Variants in MACF1 observed in about 807,000 individuals in gnomAD.
The protein encoded by MACF1 is microtubule-actin cross-linking factor 1.
In MACF1, 193 loss-of-function variants were observed where a neutral mutation model predicts 854.8. The ratio of observed to expected loss-of-function variants is 0.23; its 90% CI spans 0.20 to 0.25. The LOEUF is 0.25. Among genes scored for constraint, MACF1 ranks in the 10% least tolerant of loss-of-function variants. The pLI, the probability that MACF1 is intolerant of heterozygous loss-of-function variation, is 1.00. For missense variants in MACF1, 7,722 were observed against 8,929.1 expected (o/e 0.86, Z 5.45); for synonymous variants, 3,185 against 3,226.7 (o/e 0.99, Z 0.44).
At chr1:39,296,801 G>GAAGGA in intron 20 of MACF1, among the ~76,000 whole-genome samples, 1 of 31,904 alleles carries the variant, frequency 3.1e-5, no homozygotes, top group African/African-American at 8.8e-5. Context: ...AGGAAGGAAG[G>GAAGGA]AAAAGAAAGA....
intron 6 of MACF1, among the ~76,000 whole-genome samples, chr1:39,273,467 T>C (rs1431071129): frequency 1.3e-5 from 2 of 152,162 alleles, no homozygotes; most frequent in African/African-American, 4.8e-5. Context: ...GTTTTCCTTT[T>C]TAATTATAGG....
chr1:39,422,658 T>C, intron 59 of MACF1, 72 bp from the exon 60 acceptor site: 1 of 1,555,568 alleles, frequency 6.4e-7, no homozygotes, highest in Non-Finnish European at 8.8e-7. Flanking sequence ...CTATAATTAC[T>C]AAAAGAGGTC....
At chr1:39,114,222 T>C (rs1351738765) in intron 2 of MACF1, among the ~76,000 whole-genome samples, 1 of 151,644 alleles carries the variant, frequency 6.6e-6, no homozygotes, top group Non-Finnish European at 1.5e-5. Flanking sequence ...TTAATATGTG[T>C]TCATAATATG....
rs368765616 is a variant in MACF1 at position 39,436,548 on chromosome 1, C to A, written c.17988+787C>A. 1.3e-5 allele frequency: 20 copies of A among 1,503,434 alleles called. No individual in the cohort carries two copies. In the African/African-American group the frequency reaches 2.3e-4, roughly 18 times the overall value. The allele number at this position is 1,503,434 out of a possible 1,614,324, so 93.1% of individuals were successfully genotyped here. On this transcript the variant is annotated intron_variant, in intron 70 of 100. Coordinates refer to ENST00000564288, the MANE Select transcript of MACF1 (RefSeq NM_001394062.1). ...TTCTTATAATGCTGAAAATTGAGGT[C>A]ATTACCTGTAAGGGAATTTCCCTTA...
chr1:39,388,769 C>G, intron 58 of MACF1, 111 bp downstream of exon 58: 1 of 988,818 alleles, frequency 1.0e-6, no homozygotes, highest in Non-Finnish European at 1.4e-6. Context: ...ATTATTGTCA[C>G]TTCCATCACC....
chr1:39,397,781 C>A (rs950748795), intron 58 of MACF1, among the ~76,000 whole-genome samples: 1 of 152,122 alleles, frequency 6.6e-6, no homozygotes, highest in Non-Finnish European at 1.5e-5. Context: ...GAATGCATAT[C>A]ACTTTCACCA....
intron 59 of MACF1, 35 bp from the exon 60 acceptor site, chr1:39,422,695 C>T (rs58578186): frequency 0.011 from 18,352 of 1,596,254 alleles, 116 homozygotes; most frequent in Non-Finnish European, 0.014. Context: ...CTACTTTCTC[C>T]GTTCTCATAA....
intron 92 of MACF1, among the ~76,000 whole-genome samples, chr1:39,461,591 C>G: frequency 6.6e-6 from 1 of 151,968 alleles, no homozygotes; most frequent in East Asian, 1.9e-4. Flanking sequence ...GAGTTCAAGA[C>G]CAGCCTGGCC....
intron 87 of MACF1, among the ~76,000 whole-genome samples, chr1:39,453,207 G>A (rs904985309): frequency 2.0e-5 from 3 of 152,152 alleles, no homozygotes; most frequent in Non-Finnish European, 2.9e-5. Context: ...AGTGTCTGGG[G>A]TCTCAGTCTG....
At chr1:39,134,343 G>A (rs1003549301) in intron 2 of MACF1, among the ~76,000 whole-genome samples, 18 of 152,046 alleles carry the variant, frequency 1.2e-4, no homozygotes, top group African/African-American at 4.3e-4. Context: ...ACCGCACCCG[G>A]CCAGAAGAAC....
In MACF1 at chr1:39,467,327, T is replaced by C. The variant is rs368943806; in HGVS notation, c.21772-1288T>C. Among the ~76,000 whole-genome samples, 1,167 of 152,128 alleles carry C rather than the reference T, an allele frequency of 7.7e-3. 10 individuals are homozygous for C. Among genetic ancestry groups the C allele is most frequent in the Middle Eastern group, 0.017 (5 of 294 alleles). On this transcript the variant is annotated intron_variant, in intron 95 of 100. Transcript: ENST00000564288. ...TTGCAATGAGCCAAGATCGCGCCAC[T>C]GCACTCCAGCCTAGGCGACAGAACG...
chr1:39,340,466 C>T (rs747987239), intron 38 of MACF1, 36 bp from the exon 39 acceptor site: 17 of 1,498,572 alleles, frequency 1.1e-5, no homozygotes, highest in Non-Finnish European at 1.3e-5. Context: ...GGTTTCTAGT[C>T]TTGCTTTTAT....
At position 39,424,137 on chromosome 1, in the gene MACF1, G is replaced by A. The variant is rs1415777131; in HGVS notation, c.16259G>A (p.Gly5420Glu). The A allele has an allele frequency of 6.2e-7, 1 of 1,613,436 alleles. No individual in the cohort carries two copies. The highest frequency in any genetic ancestry group is 1.1e-5 in the South Asian group (1 of 91,016). ...CTGGCTGATAGAGAGAAAATCACTG[G>A]ACAGCTGGAGAGTCTTGAAAGTAGA... ...AELADREKITGQLESLESRWT... is the reference protein window; with the variant it reads ...AELADREKITEQLESLESRWT... Residue 5420 changes from glycine to glutamate, a missense_variant, in exon 61 of 101, where the codon GGA (glycine) becomes GAA (glutamate). Gly to Glu is a moderately conservative substitution (Grantham distance 98). Coordinates refer to ENST00000564288, the MANE Select transcript of MACF1 (RefSeq NM_001394062.1).
chr1:39,285,647 C>T lies in MACF1; in HGVS notation c.1397C>T (p.Ser466Leu), dbSNP rs748027921. 1 of 1,613,988 alleles carries T rather than the reference C, an allele frequency of 6.2e-7. No homozygotes were observed. Among genetic ancestry groups the T allele is most frequent in the East Asian group, 2.2e-5 (1 of 44,870 alleles). The change falls in exon 14 of 101, where the codon TCA (serine) becomes TTA (leucine). Residue 466 changes from serine (S) to leucine (L), a missense_variant. This residue lies in a region of MACF1 where 1,137 missense variants were observed against 1,263.0 expected (regional missense o/e 0.90). Transcript: ENST00000564288. ...TCAGGACAACCGGTACAATGTGAGT[C>T]AGATGTCATTATGTACATTCAGGAG... ...LESGQPVQCE[S>L]DVIMYIQECE...
At chr1:39,259,989 G>A (rs1645142405) in intron 6 of MACF1, among the ~76,000 whole-genome samples, 1 of 152,048 alleles carries the variant, frequency 6.6e-6, no homozygotes, top group Non-Finnish European at 1.5e-5. Flanking sequence ...ATAATTAGTT[G>A]GTTCGCTAAG....
intron 38 of MACF1, 21 bp downstream of exon 38, chr1:39,337,352 A>C: frequency 1.2e-6 from 2 of 1,609,724 alleles, no homozygotes. Context: ...AGAGACTTCC[A>C]CCACAGACAC....
intron 58 of MACF1, among the ~76,000 whole-genome samples, chr1:39,407,360 T>C (rs1352490202): frequency 6.6e-6 from 1 of 152,246 alleles, no homozygotes; most frequent in African/African-American, 2.4e-5. Context: ...GGTCTTGCAC[T>C]GTTTGTTCTT....
At chr1:39,435,237 A>G (rs901828512) in intron 69 of MACF1, among the ~76,000 whole-genome samples, 1 of 152,250 alleles carries the variant, frequency 6.6e-6, no homozygotes, top group African/African-American at 2.4e-5. Context: ...TAGAGTACAT[A>G]GAAGTACTTA....
At chr1:39,470,089 G>A (rs892125955) in intron 97 of MACF1, among the ~76,000 whole-genome samples, 5 of 152,152 alleles carry the variant, frequency 3.3e-5, no homozygotes, top group African/African-American at 1.2e-4. Flanking sequence ...ACACCTTTGT[G>A]TATGTTTATT....
Sources: allele counts gnomAD v4.1 joint callset (sites outside exome capture counted in the v4.1 genomes callset), GRCh38; gene constraint gnomAD v4.1.1; regional missense constraint gnomAD v4.1.1; transcripts MANE v1.5; gene names NCBI Gene and HGNC (gene_info 2026-07-23, HGNC 2026-07-21).